Variants in TRIB3 observed in about 807,000 individuals in gnomAD.
TRIB3 encodes tribbles homolog 3.
Under a neutral mutation model 16.6 loss-of-function variants are expected in TRIB3, and 20 were observed. The ratio of observed to expected loss-of-function variants is 1.20; its 90% confidence interval spans 0.85 to 1.75. The LOEUF (loss-of-function observed/expected upper bound fraction) is 1.75. Ranked by LOEUF, TRIB3 falls within the 40% of genes most tolerant of loss-of-function variation. The pLI is 0.00. For synonymous variants in TRIB3, 208 were observed against 217.0 expected (o/e 0.96, Z 0.36); for missense variants, 484 against 488.9 (o/e 0.99, Z 0.10).
intron 3 of TRIB3, among the ~76,000 whole-genome samples, chr20:392,682 G>A (rs559968167): frequency 2.6e-5 from 4 of 151,310 alleles, no homozygotes; most frequent in African/African-American, 7.3e-5. Flanking sequence ...TCAGCCTCCC[G>A]AATAGCTGGG....
Position 396,871 on chromosome 20 carries a change from T to G in TRIB3, c.*181T>G. The G allele has an allele frequency of 1.1e-6, 1 of 926,120 alleles. No individual in the cohort carries two copies. The allele number at this position is 926,120 out of a possible 1,614,324, so 57.4% of individuals were successfully genotyped here. ...TGTTCCACACACATGCAGTTCCTGC[T>G]TGGGTGCTTATCAGGTGCCAAGCCC... On this transcript the variant is annotated 3_prime_UTR_variant, in exon 4 of 4. Coordinates refer to ENST00000217233, the MANE Select transcript of TRIB3 (RefSeq NM_021158.5).
At chr20:395,468 C>CTT (rs147798995) in intron 3 of TRIB3, among the ~76,000 whole-genome samples, 4 of 149,956 alleles carry the variant, frequency 2.7e-5, no homozygotes, top group Non-Finnish European at 5.9e-5. Context: ...GCCTTACACA[C>CTT]TTTTTTTTTT....
At chr20:381,532 G>T (rs2014646688) in intron 1 of TRIB3, 1 of 152,236 alleles carries the variant, frequency 6.6e-6, no homozygotes. Flanking sequence ...CGTGTGGTGC[G>T]GTGAGGGGCT....
intron 3 of TRIB3, among the ~76,000 whole-genome samples, chr20:392,220 G>C (rs901949357): frequency 6.6e-6 from 1 of 152,092 alleles, no homozygotes; most frequent in Non-Finnish European, 1.5e-5. Flanking sequence ...GGCCCAGAGA[G>C]CTCAAGTAAC....
intron 1 of TRIB3, chr20:385,674 G>C (rs996540414): frequency 6.6e-6 from 1 of 151,910 alleles, no homozygotes; most frequent in African/African-American, 2.4e-5. Flanking sequence ...TCAAGTTTGA[G>C]AACCACTGAA....
chr20:385,339 C>G (rs2014773905), intron 1 of TRIB3: 1 of 152,000 alleles, frequency 6.6e-6, no homozygotes, highest in African/African-American at 2.4e-5. Flanking sequence ...TCTCAAACTC[C>G]TGACCTCAGG....
chr20:396,471 C>T lies in TRIB3; in HGVS notation c.858C>T (p.Ala286=). ...ACGCCTTGCCTGCAGGCCTCTCGGCCCCTGCCCGCTGTCTGGTTCGCTGCC... is the reference window on the plus strand; with the variant it reads ...ACGCCTTGCCTGCAGGCCTCTCGGCTCCTGCCCGCTGTCTGGTTCGCTGCC... ...GAYALPAGLS[A]PARCLVRCLL... is the part of the protein sequence containing the mutation. The change falls in exon 4 of 4, where the codon GCC becomes GCT. Residue 286 remains alanine (A), a synonymous_variant. Transcript: ENST00000217233. 6.2e-7 allele frequency: 1 copy of T among 1,612,882 alleles called. No homozygotes were observed.
intron 1 of TRIB3, among the ~76,000 whole-genome samples, chr20:383,551 C>T (rs1191913662): frequency 1.3e-5 from 2 of 152,050 alleles, no homozygotes; most frequent in Admixed American, 1.3e-4. Context: ...CAAGTGATTC[C>T]CCTACTTCAA....
At chr20:390,876 CCTGTAATCCCAGCTACA>C (rs891135958) in intron 2 of TRIB3, among the ~76,000 whole-genome samples, 1 of 152,024 alleles carries the variant, frequency 6.6e-6, no homozygotes, top group African/African-American at 2.4e-5. Flanking sequence ...GTGGCACATG[CCTGTAATCCCAGCTACA>C]CTGGGGGCTG....
intron 2 of TRIB3, among the ~76,000 whole-genome samples, chr20:390,748 T>A (rs534806071): frequency 6.6e-6 from 1 of 152,260 alleles, no homozygotes; most frequent in South Asian, 2.1e-4. Flanking sequence ...ACACCTGTAA[T>A]CCCAGCCCTT....
intron 1 of TRIB3, among the ~76,000 whole-genome samples, chr20:382,259 G>A (rs960154512): frequency 6.6e-6 from 1 of 152,194 alleles, no homozygotes; most frequent in African/African-American, 2.4e-5. Context: ...TCTGCAGTGT[G>A]GTCTGCAAAA....
At chr20:390,459 GC>G (rs2014940760) in intron 2 of TRIB3, among the ~76,000 whole-genome samples, 1 of 152,216 alleles carries the variant, frequency 6.6e-6, no homozygotes, top group Non-Finnish European at 1.5e-5. Context: ...GCACCGGAGA[GC>G]AGAGCCCATG....
At chr20:382,124 T>TGTGC (rs72270862) in intron 1 of TRIB3, among the ~76,000 whole-genome samples, 2 of 115,366 alleles carry the variant, frequency 1.7e-5, no homozygotes, top group African/African-American at 6.4e-5. Context: ...TGTGTGTGTG[T>TGTGC]GTGCGTGCGC....
At chr20:386,399 C>T (rs1206339573) in intron 1 of TRIB3, among the ~76,000 whole-genome samples, 1 of 152,084 alleles carries the variant, frequency 6.6e-6, no homozygotes, top group Non-Finnish European at 1.5e-5. Flanking sequence ...CTTAAATGTA[C>T]ATTTCTGATT....
Position 391,396 on chromosome 20 carries a change from A to G in TRIB3, c.401A>G (p.Tyr134Cys), listed in dbSNP as rs2014974378. ...GTCCTGGCTGGTACCCAGCTCCTCT[A>G]CGCCTTTTTCACTCGGACCCATGGG... is the stretch of plus-strand genomic sequence containing the variant. ...TEVLAGTQLL[Y>C]AFFTRTHGDM... The change falls in exon 3 of 4, where the codon TAC becomes TGC. Residue 134 changes from tyrosine to cysteine, a missense_variant. By Grantham distance (194) the Tyr-to-Cys change is radical (BLOSUM62 -2). Coordinates refer to ENST00000217233, the MANE Select transcript of TRIB3 (RefSeq NM_021158.5). 1.9e-6 allele frequency: 3 copies of G among 1,613,622 alleles called. No individual in the cohort carries two copies. Among genetic ancestry groups the G allele is most frequent in the Non-Finnish European group, 2.5e-6 (3 of 1,180,016 alleles).
At chr20:382,489 G>A in intron 1 of TRIB3, 1 of 1,526,500 alleles carries the variant, frequency 6.6e-7, no homozygotes. Context: ...ACAGCCTTGA[G>A]ATGTAAGGAG....
Position 388,279 on chromosome 20 carries a change from C to T in TRIB3, c.269C>T (p.Thr90Ile), listed in dbSNP as rs976195181. The T allele has an allele frequency of 6.2e-6, 10 of 1,612,480 alleles. No homozygotes were observed. The highest frequency in any genetic ancestry group is 1.7e-4 in the Middle Eastern group (1 of 5,958). Reference sequence around the variant, plus strand: ...GCCTACCAGGCCCTGCACTGCCCTACAGGCACTGAGTATACCTGCAAGGTA... The same window carrying T: ...GCCTACCAGGCCCTGCACTGCCCTATAGGCACTGAGTATACCTGCAAGGTA... ...GRAYQALHCPTGTEYTCKVYP... is the reference protein window; with the variant it reads ...GRAYQALHCPIGTEYTCKVYP... Residue 90 changes from threonine to isoleucine, a missense_variant, in exon 2 of 4, where the codon ACA becomes ATA. Transcript: ENST00000217233.
intron 3 of TRIB3, among the ~76,000 whole-genome samples, chr20:392,651 G>T (rs998184492): frequency 3.3e-5 from 5 of 151,600 alleles, no homozygotes; most frequent in African/African-American, 1.2e-4. Flanking sequence ...CTGCTGCCTG[G>T]GTTCAAGTGA....
At chr20:391,204 A>G (rs1366260764) in intron 2 of TRIB3, 83 bp from the exon 3 acceptor site, 1 of 1,465,076 alleles carries the variant, frequency 6.8e-7, no homozygotes, top group African/African-American at 1.4e-5. Flanking sequence ...GGTAGTGTCT[A>G]ATAGGTCAGC....
Sources: allele counts gnomAD v4.1 joint callset (sites outside exome capture counted in the v4.1 genomes callset), GRCh38; gene constraint gnomAD v4.1.1; transcripts MANE v1.5; gene names NCBI Gene and HGNC (gene_info 2026-07-23, HGNC 2026-07-21).